The following IHO1 variants were observed in gnomAD, a reference collection of about 807,000 sequenced individuals.
The protein encoded by IHO1 is interactor of HORMAD1 1.
A neutral mutation model predicts 31.0 loss-of-function variants in IHO1; 13 were observed. The observed-to-expected ratio is 0.42, with a 90% confidence interval of 0.27 to 0.67. The LOEUF (loss-of-function observed/expected upper bound fraction) is 0.67. Among genes scored for constraint, IHO1 ranks in the 30% least tolerant of loss-of-function variants. IHO1 has a pLI of 0.24. For synonymous variants in IHO1, 221 were observed against 248.4 expected (o/e 0.89, Z 1.04); for missense variants, 599 against 687.5 (o/e 0.87, Z 1.44).
intron 2 of IHO1, among the ~76,000 whole-genome samples, chr3:49,232,001 G>C (rs1267483108): frequency 1.3e-5 from 2 of 152,304 alleles, no homozygotes; most frequent in East Asian, 3.9e-4. Flanking sequence ...TTATGTACAT[G>C]TATGCGTGGA....
At chr3:49,222,211 T>C (rs150463669) in intron 2 of IHO1, among the ~76,000 whole-genome samples, 221 of 152,300 alleles carry the variant, frequency 1.5e-3, no homozygotes, top group Non-Finnish European at 2.7e-3. Context: ...ACCCTATAAG[T>C]AGGGGTATTA....
intron 6 of IHO1, among the ~76,000 whole-genome samples, chr3:49,247,793 CACTAAA>C (rs1439611805): frequency 3.4e-5 from 5 of 145,696 alleles, no homozygotes; most frequent in Non-Finnish European, 7.6e-5. Flanking sequence ...TGTCTCTAAA[CACTAAA>C]ACTAAAACTA....
intron 1 of IHO1, among the ~76,000 whole-genome samples, chr3:49,209,888 A>G (rs1414393227): frequency 6.7e-6 from 1 of 148,384 alleles, no homozygotes; most frequent in African/African-American, 2.5e-5. Context: ...CTAATTTTTT[A>G]TATTGTTTTA....
At chr3:49,236,439 A>G in intron 2 of IHO1, 109 bp from the exon 3 acceptor site, 1 of 752,410 alleles carries the variant, frequency 1.3e-6, no homozygotes, top group Non-Finnish European at 2.2e-6. Flanking sequence ...GAAGGTCAGA[A>G]CAAGCTATCA....
At chr3:49,200,487 G>GAAAGAA (rs1553615457) in intron 1 of IHO1, 1 of 579,918 alleles carries the variant, frequency 1.7e-6, no homozygotes, top group Non-Finnish European at 2.1e-6. Flanking sequence ...AAGAAAGAAA[G>GAAAGAA]AAAGAAAGAA....
intron 2 of IHO1, chr3:49,228,447 C>G: frequency 2.7e-6 from 1 of 364,004 alleles, no homozygotes; most frequent in East Asian, 8.7e-5. Context: ...TATTTAGCCC[C>G]TGAATTCTAA....
intron 2 of IHO1, among the ~76,000 whole-genome samples, chr3:49,228,734 T>C (rs1369369471): frequency 6.6e-6 from 1 of 152,184 alleles, no homozygotes; most frequent in African/African-American, 2.4e-5. Flanking sequence ...AGTGAAGCCA[T>C]GGATCTTTGT....
At chr3:49,227,228 T>C (rs1304806812) in intron 2 of IHO1, among the ~76,000 whole-genome samples, 1 of 152,190 alleles carries the variant, frequency 6.6e-6, no homozygotes, top group Non-Finnish European at 1.5e-5. Flanking sequence ...CAGATGGCCA[T>C]TTTTCCCCAT....
chr3:49,243,385 T>C (rs1461585340), intron 4 of IHO1, among the ~76,000 whole-genome samples: 3 of 151,906 alleles, frequency 2.0e-5, no homozygotes, highest in African/African-American at 7.2e-5. Context: ...CCTCAGGTGA[T>C]CCACCGGCCT....
the IHO1 span, among the ~76,000 whole-genome samples, chr3:49,191,419 A>G: frequency 2.0e-5 from 3 of 152,234 alleles, no homozygotes; most frequent in Non-Finnish European, 4.4e-5. Context: ...CTTTGCCCTC[A>G]AAATGTTCCC....
At chr3:49,232,803 C>T (rs2046499194) in intron 2 of IHO1, among the ~76,000 whole-genome samples, 1 of 152,184 alleles carries the variant, frequency 6.6e-6, no homozygotes, top group East Asian at 1.9e-4. Flanking sequence ...ATCACCATTG[C>T]CATGAGTATT....
intron 2 of IHO1, among the ~76,000 whole-genome samples, chr3:49,233,244 C>T (rs2107714356): frequency 6.6e-6 from 1 of 152,276 alleles, no homozygotes. Context: ...TATCTGGAAA[C>T]ATGGCAGTAT....
chr3:49,195,936 TAA>T (rs535294316), upstream of IHO1, among the ~76,000 whole-genome samples: 3 of 134,506 alleles, frequency 2.2e-5, no homozygotes, highest in Admixed American at 7.5e-5. Context: ...CCATCTCTAC[TAA>T]AAAAAAAAAA....
chr3:49,228,226 C>T (rs570472159), intron 2 of IHO1: 92 of 379,562 alleles, frequency 2.4e-4, no homozygotes, highest in South Asian at 1.2e-3. Context: ...AACTTGTTGT[C>T]GGGACCCCAG....
intron 1 of IHO1, among the ~76,000 whole-genome samples, chr3:49,208,994 G>A (rs1470306019): frequency 6.6e-6 from 1 of 152,158 alleles, no homozygotes; most frequent in Non-Finnish European, 1.5e-5. Context: ...ACAGCTTCCT[G>A]ACCTTTGTAG....
upstream of IHO1, among the ~76,000 whole-genome samples, chr3:49,197,515 C>T (rs1318781131): frequency 6.6e-6 from 1 of 152,044 alleles, no homozygotes; most frequent in African/African-American, 2.4e-5. Context: ...ATAAACTGCA[C>T]ATATTGAAAA....
intron 2 of IHO1, among the ~76,000 whole-genome samples, chr3:49,235,508 G>T (rs927570899): frequency 2.0e-5 from 3 of 152,036 alleles, no homozygotes; most frequent in Admixed American, 1.3e-4. Flanking sequence ...GATTACAGGC[G>T]TGAGCCACCG....
chr3:49,209,802 C>T (rs548890349), intron 1 of IHO1, among the ~76,000 whole-genome samples: 6 of 150,554 alleles, frequency 4.0e-5, no homozygotes, highest in Admixed American at 2.0e-4. Flanking sequence ...GCAAGCTCTG[C>T]CTCCCGGGTT....
chr3:49,194,949 T>C (rs1463047612), upstream of IHO1, among the ~76,000 whole-genome samples: 1 of 151,556 alleles, frequency 6.6e-6, no homozygotes, highest in Non-Finnish European at 1.5e-5. Flanking sequence ...CTATGATTTA[T>C]GGATACAAAC....
Sources: allele counts gnomAD v4.1 joint callset (sites outside exome capture counted in the v4.1 genomes callset), GRCh38; gene constraint gnomAD v4.1.1; transcripts MANE v1.5; gene names NCBI Gene and HGNC (gene_info 2026-07-23, HGNC 2026-07-21).